The following H6PD variants were observed in gnomAD, a reference collection of about 807,000 sequenced individuals.
The protein encoded by H6PD is GDH/6PGL endoplasmic bifunctional protein.
Under a neutral mutation model 61.2 loss-of-function variants are expected in H6PD, and 48 were observed. The ratio of observed to expected loss-of-function variants is 0.78; its 90% CI spans 0.62 to 1.00. H6PD has a LOEUF of 1.00. Ranked by LOEUF, H6PD falls within the 50% of genes least tolerant of loss-of-function variation. The pLI, the probability that H6PD is intolerant of heterozygous loss-of-function variation, is 0.00. For missense variants in H6PD, 1,093 were observed against 1,065.0 expected (o/e 1.03, Z -0.37); for synonymous variants, 480 against 457.9 (o/e 1.05, Z -0.62).
rs543734256 is a variant in H6PD at position 9,245,324 on chromosome 1, C to T, written c.390C>T (p.His130=). The T allele has an allele frequency of 1.8e-5, 29 of 1,614,098 alleles. No homozygotes were observed. The highest frequency in any genetic ancestry group is 9.3e-5 in the African/African-American group (7 of 74,936). The change falls in exon 2 of 5, where the codon CAC becomes CAT. Residue 130 remains histidine (H), a synonymous_variant. Coordinates refer to ENST00000377403, the MANE Select transcript of H6PD (RefSeq NM_004285.4). This position sits in a 1 kb window ranked among gnomAD's most constrained non-coding sequence, Gnocchi z 4.8. ...LNKDIEAQLQ[H]AGLREAGRIF... is the part of the protein sequence containing the mutation. The stretch of plus-strand genomic sequence containing the variant: ...AGGACATCGAGGCACAGCTCCAGCA[C>T]GCAGGCCTCCGGGAGGCTGGCAGGA...
intron 4 of H6PD, 148 bp downstream of exon 4, chr1:9,262,476 C>A: frequency 2.6e-6 from 2 of 771,860 alleles, no homozygotes; most frequent in Non-Finnish European, 4.2e-6. Context: ...ATTCCCCTGT[C>A]TCCCTGGCCT....
chr1:9,255,957 A>C (rs984852833), intron 3 of H6PD, among the ~76,000 whole-genome samples: 1 of 152,204 alleles, frequency 6.6e-6, no homozygotes, highest in Non-Finnish European at 1.5e-5. Context: ...GGTAATTAAA[A>C]GGGAAATGTT....
intron 1 of H6PD, among the ~76,000 whole-genome samples, chr1:9,235,787 CT>C (rs1458431717): frequency 6.6e-6 from 1 of 151,198 alleles, no homozygotes; most frequent in Non-Finnish European, 1.5e-5. Context: ...ATTTTTAAAC[CT>C]TTTGTAGAGA....
Position 9,247,059 on chromosome 1 carries a change from A to C in H6PD, c.721A>C (p.Met241Leu). The change falls in exon 3 of 5, where the codon ATG (methionine) becomes CTG (leucine). Residue 241 changes from methionine (M) to leucine (L), a missense_variant. By Grantham distance (15) the Met-to-Leu change is conservative. Coordinates refer to ENST00000377403, the MANE Select transcript of H6PD (RefSeq NM_004285.4). Reference protein sequence around the residue: ...RHHVERVEIIMKETVDAEGRT... With the variant: ...RHHVERVEIILKETVDAEGRT... The stretch of plus-strand genomic sequence containing the variant: ...CCATGTGGAGCGGGTGGAGATCATC[A>C]TGAAAGAGACCGTGGATGCTGAAGG... 1.2e-6 allele frequency: 2 copies of C among 1,612,886 alleles called. No individual in the cohort carries two copies. Among genetic ancestry groups the C allele is most frequent in the Admixed American group, 3.3e-5 (2 of 60,026 alleles).
rs1167500801 is a variant in H6PD, at chr1:9,245,015, C to T, written c.81C>T (p.Ser27=). The T allele has an allele frequency of 1.9e-6, 3 of 1,614,212 alleles. No individual in the cohort carries two copies. The highest frequency in any genetic ancestry group is 2.5e-6 in the Non-Finnish European group (3 of 1,180,006). Residue 27 remains serine (S), a synonymous_variant, in exon 2 of 5, where the codon TCC becomes TCT. Transcript: ENST00000377403. The surrounding 1 kb of genome is among the most constrained non-coding windows in gnomAD (Gnocchi z 4.8). ...CCCAGGAGCTCCAGGGACATGTCTC[C>T]ATAATCCTGCTGGGAGCAACTGGGG... The part of the protein sequence containing the change: ...LQAQELQGHV[S]IILLGATGDL...
rs995229036 is a variant in H6PD, at chr1:9,248,525, C to T, written c.745+1442C>T. Among the ~76,000 whole-genome samples, 6 of 152,136 alleles carry T rather than the reference C, an allele frequency of 3.9e-5. No homozygotes were observed. In the South Asian group the frequency reaches 1.0e-3, roughly 26 times the overall value. The stretch of plus-strand genomic sequence containing the variant: ...GGACAAACTCCAAAATGGAGCTGGG[C>T]GCAGTGGTACACCCGTAGTCCCAGC... On this transcript the variant is annotated intron_variant, in intron 3 of 4. Coordinates refer to ENST00000377403, the MANE Select transcript of H6PD (RefSeq NM_004285.4).
At chr1:9,243,036 C>T (rs1330145104) in intron 1 of H6PD, 38 of 878,534 alleles carry the variant, frequency 4.3e-5, no homozygotes, top group South Asian at 5.2e-5. Flanking sequence ...GGGAGCCACC[C>T]GTGTGGCCCT....
rs34580447 is a variant in H6PD at position 9,263,835 on chromosome 1, G to A, written c.1342G>A (p.Ala448Thr). 1.1e-3 allele frequency: 1,765 copies of A among 1,613,890 alleles called. 6 individuals carry two copies. The highest frequency in any genetic ancestry group is 4.0e-3 in the Admixed American group (239 of 60,032). Residue 448 changes from alanine (A) to threonine (T), a missense_variant, in exon 5 of 5, where the codon GCC becomes ACC. Ala to Thr is a moderately conservative substitution (Grantham distance 58, BLOSUM62 0). Coordinates refer to ENST00000377403, the MANE Select transcript of H6PD (RefSeq NM_004285.4). ...LFGSPLSDYYAYSPVRERDAH... is the reference protein window; with the variant it reads ...LFGSPLSDYYTYSPVRERDAH... ...CGGCAGCCCTCTGTCCGATTACTAC[G>A]CCTACAGCCCTGTGCGGGAGCGGGA... is the stretch of plus-strand genomic sequence containing the variant.
At position 9,245,576 on chromosome 1, in the gene H6PD, G is replaced by T; in HGVS notation, c.627+15G>T. On this transcript the variant is annotated intron_variant, in intron 2 of 4. Transcript: ENST00000377403. The surrounding 1 kb of genome is among the most constrained non-coding windows in gnomAD (Gnocchi z 4.8). ...TAGGCAAGCAGGTGAGCATCAGCAT[G>T]GAGCCTGCCAGGGCTAGGGTGAGCT... 1 of 1,613,636 alleles carries T rather than the reference G, an allele frequency of 6.2e-7. No individual in the cohort carries two copies. The highest frequency in any genetic ancestry group is 8.5e-7 in the Non-Finnish European group (1 of 1,179,570).
rs142411509 is a variant in H6PD at position 9,264,099 on chromosome 1, C to T, written c.1606C>T (p.Pro536Ser). ...GGAGCAGCTGGTGCCAGGGCCAGGG[C>T]CGGCCCCAATGCCCAGTGACTTCCA... ...QPEQLVPGPGPAPMPSDFQVL... is the reference protein window; with the variant it reads ...QPEQLVPGPGSAPMPSDFQVL... Residue 536 changes from proline (P) to serine (S), a missense_variant, in exon 5 of 5, where the codon CCG (proline) becomes TCG (serine). Physicochemically the swap from Pro to Ser is moderately conservative, Grantham distance 74 (BLOSUM62 -1). Transcript: ENST00000377403. 3.4e-5 allele frequency: 55 copies of T among 1,613,934 alleles called. No homozygotes were observed. The highest frequency in any genetic ancestry group is 4.7e-5 in the Non-Finnish European group (55 of 1,179,982).
Position 9,264,393 on chromosome 1 carries a change from C to T in H6PD, c.1900C>T (p.Gln634Ter), listed in dbSNP as rs1638476129. 2 of 1,613,036 alleles carry T rather than the reference C, an allele frequency of 1.2e-6. No homozygotes were observed. The highest frequency in any genetic ancestry group is 1.1e-5 in the South Asian group (1 of 91,090). The change falls in exon 5 of 5, where the codon CAG becomes TAG. Residue 634 changes from glutamine to a stop codon, truncating the protein, a stop_gained. Coordinates refer to ENST00000377403, the MANE Select transcript of H6PD (RefSeq NM_004285.4). LOFTEE classifies it high-confidence loss of function. Reference sequence around the variant, plus strand: ...ACTCTCAGACCCGGAGTCCAACTTCCAGGGCCTGCAGGCCCACCTGCTGCA... The same window carrying T: ...ACTCTCAGACCCGGAGTCCAACTTCTAGGGCCTGCAGGCCCACCTGCTGCA... ...VPLSDPESNF[Q>*]GLQAHLLQHV...
chr1:9,248,390 C>G (rs765924543), intron 3 of H6PD, among the ~76,000 whole-genome samples: 11 of 152,206 alleles, frequency 7.2e-5, no homozygotes, highest in Non-Finnish European at 1.2e-4. Context: ...CTCTGCGGGG[C>G]CGAGGTGCCA....
At chr1:9,252,429 T>C (rs1324569208) in intron 3 of H6PD, among the ~76,000 whole-genome samples, 1 of 152,210 alleles carries the variant, frequency 6.6e-6, no homozygotes, top group Non-Finnish European at 1.5e-5. Flanking sequence ...TCTTGGAGTC[T>C]TGTTATGTTA....
At chr1:9,241,825 C>G (rs1484541604) in intron 1 of H6PD, among the ~76,000 whole-genome samples, 1 of 152,178 alleles carries the variant, frequency 6.6e-6, no homozygotes, top group Non-Finnish European at 1.5e-5. Flanking sequence ...AGGGTCCAGG[C>G]TTTGTGGCTT....
chr1:9,261,172 G>A (rs1245557691), intron 3 of H6PD, among the ~76,000 whole-genome samples: 1 of 151,984 alleles, frequency 6.6e-6, no homozygotes, highest in African/African-American at 2.4e-5. Flanking sequence ...CCCAATATAG[G>A]TCAGGTCTCG....
At position 9,262,337 on chromosome 1, in the gene H6PD, T is replaced by C; in HGVS notation, c.1015+9T>C. On this transcript the variant is annotated intron_variant, in intron 4 of 4. Transcript: ENST00000377403. ...GACGCCGACCTTCGCAGGTGGGCCC[T>C]GGGGCTGGGCATGGGGCACTGGGCT... is the stretch of plus-strand genomic sequence containing the variant. 2 of 1,595,428 alleles carry C rather than the reference T, an allele frequency of 1.3e-6. No individual in the cohort carries two copies. The highest frequency in any genetic ancestry group is 2.3e-5 in the South Asian group (2 of 88,396).
At chr1:9,246,657 A>G (rs1484468482) in intron 2 of H6PD, among the ~76,000 whole-genome samples, 1 of 152,254 alleles carries the variant, frequency 6.6e-6, no homozygotes, top group African/African-American at 2.4e-5. Flanking sequence ...TGCTCAATTC[A>G]GAGCTTTTCT....
At position 9,247,058 on chromosome 1, in the gene H6PD, C is replaced by T; in HGVS notation, c.720C>T (p.Ile240=). The T allele has an allele frequency of 4.3e-6, 7 of 1,612,804 alleles. No individual in the cohort carries two copies. Among genetic ancestry groups the T allele is most frequent in the African/African-American group, 1.3e-5 (1 of 75,032 alleles). The part of the protein sequence containing the change: ...NRHHVERVEI[I]MKETVDAEGR... ...ACCATGTGGAGCGGGTGGAGATCAT[C>T]ATGAAAGAGACCGTGGATGCTGAAG... Residue 240 remains isoleucine (I), a synonymous_variant, in exon 3 of 5, where the codon ATC becomes ATT. Coordinates refer to ENST00000377403, the MANE Select transcript of H6PD (RefSeq NM_004285.4).
At chr1:9,263,229 C>T (rs912784999) in intron 4 of H6PD, among the ~76,000 whole-genome samples, 1 of 152,210 alleles carries the variant, frequency 6.6e-6, no homozygotes, top group Admixed American at 6.5e-5. Flanking sequence ...GTTGGATGCT[C>T]TCAGCCCGGT....
Sources: gnomAD v4.1 joint callset for allele counts (sites outside exome capture counted in the v4.1 genomes callset) on GRCh38, gnomAD v4.1.1 for gene constraint, Gnocchi (gnomAD v3.1) non-coding constraint, MANE v1.5 for transcripts, NCBI Gene and HGNC (gene_info 2026-07-23, HGNC 2026-07-21) for gene names.